The following TTBK2 variants were observed in gnomAD, a reference collection of about 807,000 sequenced individuals.
TTBK2 encodes tau-tubulin kinase 2.
Under a neutral mutation model 110.8 loss-of-function variants are expected in TTBK2, and 28 were observed. That is an observed-to-expected ratio of 0.25 (90% CI 0.19 to 0.35). TTBK2 has a LOEUF of 0.35. Ranked by LOEUF, TTBK2 falls within the 10% of genes least tolerant of loss-of-function variation. The probability of loss-of-function intolerance (pLI) is 1.00; values close to 1 mark genes in which losing one functional copy is unlikely to be tolerated. For synonymous variants in TTBK2, 532 were observed against 527.3 expected (o/e 1.01, Z -0.12); for missense variants, 1,369 against 1,500.3 (o/e 0.91, Z 1.45).
intron 1 of TTBK2, among the ~76,000 whole-genome samples, chr15:42,916,980 T>C (rs1480836956): frequency 5.9e-5 from 9 of 152,294 alleles, no homozygotes; most frequent in African/African-American, 2.2e-4. Flanking sequence ...AAGATGTTAA[T>C]TCTCTGTTTA....
At chr15:42,875,965 G>C (rs1894806265) in intron 2 of TTBK2, among the ~76,000 whole-genome samples, 1 of 149,108 alleles carries the variant, frequency 6.7e-6, no homozygotes, top group African/African-American at 2.5e-5. Context: ...GCCACATGGA[G>C]ATGCCCTAGA....
intron 1 of TTBK2, among the ~76,000 whole-genome samples, chr15:42,917,026 G>A (rs1596058431): frequency 6.6e-6 from 1 of 151,974 alleles, no homozygotes; most frequent in Admixed American, 6.6e-5. Flanking sequence ...GTTAAATCTC[G>A]ATAGCTTACC....
intron 1 of TTBK2, among the ~76,000 whole-genome samples, chr15:42,898,208 G>T (rs1264212247): frequency 6.6e-6 from 1 of 151,956 alleles, no homozygotes; most frequent in Admixed American, 6.6e-5. Context: ...GATAATGGTC[G>T]TTTAAACCAC....
rs1437086492 is a variant in TTBK2 at position 42,918,839 on chromosome 15, T to C, written c.-68+1599A>G. Among the ~76,000 whole-genome samples, 7 of 152,296 alleles carry C rather than the reference T, an allele frequency of 4.6e-5. No individual in the cohort carries two copies. The East Asian group carries it at 7.7e-4, about 17-fold the overall frequency. ...TACAACAATCTAAAGTCATATATAA[T>C]GCAATAGAGAATTTACTAAATTATG... On this transcript the variant is annotated intron_variant, in intron 1 of 14. Coordinates refer to ENST00000267890, the MANE Select transcript of TTBK2 (RefSeq NM_173500.4).
intron 4 of TTBK2, among the ~76,000 whole-genome samples, chr15:42,836,594 A>G (rs1029392745): frequency 1.3e-5 from 2 of 152,194 alleles, no homozygotes; most frequent in African/African-American, 4.8e-5. Flanking sequence ...AAAGGCCACA[A>G]AGGTCATCAT....
chr15:42,802,410 G>T (rs768830638), intron 9 of TTBK2: 3 of 741,444 alleles, frequency 4.0e-6, no homozygotes, highest in Admixed American at 3.5e-5. Context: ...TGGACATGGT[G>T]GAGGCAGGCG....
At chr15:42,823,532 A>C (rs1892398912) in intron 6 of TTBK2, among the ~76,000 whole-genome samples, 2 of 152,146 alleles carry the variant, frequency 1.3e-5, no homozygotes, top group Non-Finnish European at 1.5e-5. Context: ...GTCCTATACC[A>C]CAAGATTGGT....
At chr15:42,836,684 C>A (rs1283593208) in intron 4 of TTBK2, among the ~76,000 whole-genome samples, 1 of 152,022 alleles carries the variant, frequency 6.6e-6, no homozygotes, top group East Asian at 1.9e-4. Context: ...TAGGTAAGTA[C>A]AAGAATGAAA....
intron 1 of TTBK2, among the ~76,000 whole-genome samples, chr15:42,892,390 A>G (rs577254467): frequency 1.1e-3 from 161 of 152,188 alleles, no homozygotes; most frequent in Non-Finnish European, 1.9e-3. Context: ...CTTAGGCCTA[A>G]CATATTTATT....
chr15:42,847,897 G>C (rs1269986621), intron 3 of TTBK2, among the ~76,000 whole-genome samples: 1 of 152,130 alleles, frequency 6.6e-6, no homozygotes, highest in Non-Finnish European at 1.5e-5. Context: ...TTGTCACCTA[G>C]GTTGGAGTAT....
rs56017612 is a variant in TTBK2 at position 42,794,687 on chromosome 15, T to C, written c.937A>G (p.Thr313Ala). The part of the protein sequence containing the change: ...DGSLTTTTTS[T>A]TPQLHTRLTP... The stretch of plus-strand genomic sequence containing the variant: ...AAGCGAGTGTGCAACTGAGGGGTGG[T>C]AGAAGTAGTGGTGGTTGTTAGGGAG... The change falls in exon 10 of 15, where the codon ACC (threonine) becomes GCC (alanine). Residue 313 changes from threonine to alanine, a missense_variant. Around this residue, in one of 4 missense-constraint regions of TTBK2, gnomAD observed 1,097 missense variants for 1,114.7 expected, o/e 0.98. Transcript: ENST00000267890. The C allele has an allele frequency of 3.3e-3, 5,288 of 1,614,034 alleles. 141 individuals carry two copies. In the East Asian group the frequency reaches 0.058, roughly 18 times the overall value.
intron 9 of TTBK2, among the ~76,000 whole-genome samples, chr15:42,806,817 ATTT>A (rs541566517): frequency 3.5e-5 from 5 of 144,010 alleles, no homozygotes; most frequent in Admixed American, 1.4e-4. Flanking sequence ...TTTTTTTGTG[ATTT>A]TTTTTTTTTT....
intron 6 of TTBK2, among the ~76,000 whole-genome samples, chr15:42,819,585 T>A (rs533753240): frequency 6.6e-6 from 1 of 152,310 alleles, no homozygotes; most frequent in Admixed American, 6.5e-5. Context: ...TAAAATTTCC[T>A]GCAATCTTTA....
intron 9 of TTBK2, among the ~76,000 whole-genome samples, chr15:42,803,918 T>C (rs947127926): frequency 6.7e-6 from 1 of 149,060 alleles, no homozygotes; most frequent in Non-Finnish European, 1.5e-5. Context: ...TCCTAGCTAC[T>C]TGGGAGGCTG....
intron 9 of TTBK2, chr15:42,802,433 C>T (rs760078839): frequency 5.3e-5 from 38 of 712,610 alleles, no homozygotes; most frequent in South Asian, 1.4e-4. Flanking sequence ...CCGAACCAGA[C>T]GGAATCCCAG....
At chr15:42,834,911 A>G (rs1892929379) in intron 4 of TTBK2, among the ~76,000 whole-genome samples, 1 of 152,130 alleles carries the variant, frequency 6.6e-6, no homozygotes, top group Non-Finnish European at 1.5e-5. Context: ...AAAGACATCA[A>G]ACATGTTAAA....
At chr15:42,787,678 T>G (rs1410619360) in intron 10 of TTBK2, among the ~76,000 whole-genome samples, 1 of 152,232 alleles carries the variant, frequency 6.6e-6, no homozygotes, top group African/African-American at 2.4e-5. Flanking sequence ...ATACTGACAT[T>G]ATGTACCTCC....
At chr15:42,854,039 G>A (rs1415007064) in intron 3 of TTBK2, among the ~76,000 whole-genome samples, 1 of 152,074 alleles carries the variant, frequency 6.6e-6, no homozygotes, top group African/African-American at 2.4e-5. Context: ...GGGCTCAAGT[G>A]ATCCTCCTAC....
At chr15:42,861,187 GACAAATCATCA>G (rs1298888545) in intron 3 of TTBK2, among the ~76,000 whole-genome samples, 1 of 151,942 alleles carries the variant, frequency 6.6e-6, no homozygotes, top group African/African-American at 2.4e-5. Flanking sequence ...GACAGCATTA[GACAAATCATCA>G]AGGCAGAAAA....
Sources: allele counts gnomAD v4.1 joint callset (sites outside exome capture counted in the v4.1 genomes callset), GRCh38; gene constraint gnomAD v4.1.1; regional missense constraint gnomAD v4.1.1; transcripts MANE v1.5; gene names NCBI Gene and HGNC (gene_info 2026-07-23, HGNC 2026-07-21).